SORCS2: variants seen among roughly 807,000 people sequenced by gnomAD.
The protein encoded by SORCS2 is VPS10 domain-containing receptor SorCS2.
Under a neutral mutation model 141.6 loss-of-function variants are expected in SORCS2, and 100 were observed. The observed-to-expected ratio is 0.71, with a 90% CI of 0.60 to 0.83. SORCS2 has a LOEUF of 0.83. Ranked by LOEUF, SORCS2 falls within the 40% of genes least tolerant of loss-of-function variation. SORCS2 has a pLI of 0.00. For missense variants in SORCS2, 1,646 were observed against 1,560.2 expected, an observed-to-expected ratio of 1.05 and a Z score of -0.93; for synonymous variants, 789 against 676.9, an observed-to-expected ratio of 1.17 and a Z score of -2.57.
chr4:7,526,290 G>A (rs942857925), intron 2 of SORCS2, among the ~76,000 whole-genome samples: 1 of 152,256 alleles, frequency 6.6e-6, no homozygotes, highest in Non-Finnish European at 1.5e-5. Flanking sequence ...CTTAGGAATA[G>A]AATCGGAGCC....
At chr4:7,354,531 C>T (rs975692506) in intron 1 of SORCS2, among the ~76,000 whole-genome samples, 3 of 152,226 alleles carry the variant, frequency 2.0e-5, no homozygotes, top group African/African-American at 4.8e-5. Flanking sequence ...GGCTACCGTG[C>T]AGCCCCGGCT....
chr4:7,430,842 A>T (rs1413550639), intron 2 of SORCS2: 1 of 152,252 alleles, frequency 6.6e-6, no homozygotes, highest in South Asian at 2.1e-4. Flanking sequence ...CGCGGCGGCT[A>T]TGGAGTCATT....
In SORCS2 at chr4:7,703,337, A is replaced by G. The variant is rs971379023; in HGVS notation, c.1726A>G (p.Ile576Val). 2 of 1,613,428 alleles carry G rather than the reference A, an allele frequency of 1.2e-6. No individual in the cohort carries two copies. Among genetic ancestry groups the G allele is most frequent in the Non-Finnish European group, 1.7e-6 (2 of 1,179,736 alleles). ...GGACCACGGCGGCGTGATCGTGGCC[A>G]TCAAAGACACCTCCATCCCTTTGAA... ...YLDHGGVIVAIKDTSIPLKIL... is the reference protein window; with the variant it reads ...YLDHGGVIVAVKDTSIPLKIL... The change falls in exon 13 of 27, where the codon ATC (isoleucine) becomes GTC (valine). Residue 576 changes from isoleucine to valine, a missense_variant. Ile to Val is a conservative substitution (Grantham distance 29). Coordinates refer to ENST00000507866, the MANE Select transcript of SORCS2 (RefSeq NM_020777.3).
rs576234633 is a variant in SORCS2, at chr4:7,740,911, G to C, written c.*647G>C. On this transcript the variant is annotated 3_prime_UTR_variant, in exon 27 of 27. Coordinates refer to ENST00000507866, the MANE Select transcript of SORCS2 (RefSeq NM_020777.3). The stretch of plus-strand genomic sequence containing the variant: ...GGTAGCCACCGGGGTGGCTCTGTCA[G>C]AGTTCCGTACTCGGGAGCCCCTTTC... 1.2e-4 allele frequency: 46 copies of C among 398,344 alleles called. No homozygotes were observed. The highest frequency in any genetic ancestry group is 8.8e-4 in the African/African-American group (43 of 48,750). The allele number at this position is 398,344 out of a possible 1,614,324, so 24.7% of individuals were successfully genotyped here. A position where few individuals can be genotyped will look rare whatever the true frequency, so the allele number is the denominator to read the frequency against.
At position 7,733,400 on chromosome 4, in the gene SORCS2, G is replaced by A. The variant is rs776555227; in HGVS notation, c.3187G>A (p.Ala1063Thr). ...GCGAGGCGGAGTCCGGGTCCTGGTG[G>A]CCCTGCGGGACACAGGCACAGGTGA... The part of the protein sequence containing the change: ...LLRGGVRVLV[A>T]LRDTGTGAEQ... Residue 1063 changes from alanine (A) to threonine (T), a missense_variant, in exon 24 of 27, where the codon GCC becomes ACC. Coordinates refer to ENST00000507866, the MANE Select transcript of SORCS2 (RefSeq NM_020777.3). 1 of 1,591,848 alleles carries A rather than the reference G, an allele frequency of 6.3e-7. No homozygotes were observed. Among genetic ancestry groups the A allele is most frequent in the Non-Finnish European group, 8.5e-7 (1 of 1,169,594 alleles).
intron 1 of SORCS2, among the ~76,000 whole-genome samples, chr4:7,387,789 C>G (rs1577483889): frequency 1.2e-5 from 1 of 81,366 alleles, no homozygotes; most frequent in Non-Finnish European, 2.3e-5. Context: ...CACATAGGTA[C>G]ATGCATGCTC....
chr4:7,263,393 G>A (rs1387727957), intron 1 of SORCS2, among the ~76,000 whole-genome samples: 2 of 151,942 alleles, frequency 1.3e-5, no homozygotes, highest in Non-Finnish European at 2.9e-5. Flanking sequence ...CCTTGTCAAA[G>A]AAAGCACCCG....
intron 3 of SORCS2, among the ~76,000 whole-genome samples, chr4:7,538,610 CAT>C (rs1465062979): frequency 7.0e-6 from 1 of 142,752 alleles, no homozygotes; most frequent in Non-Finnish European, 1.6e-5. Flanking sequence ...CACACACACA[CAT>C]TTTCACCAAA....
chr4:7,548,670 G>A (rs1461728427), intron 3 of SORCS2, among the ~76,000 whole-genome samples: 1 of 152,010 alleles, frequency 6.6e-6, no homozygotes, highest in African/African-American at 2.4e-5. Flanking sequence ...GTGGAATGGT[G>A]GGTGTGAGGC....
At chr4:7,381,858 A>T (rs1405749110) in intron 1 of SORCS2, 11 of 972,056 alleles carry the variant, frequency 1.1e-5, no homozygotes, top group African/African-American at 1.8e-5. Flanking sequence ...AGGCTCCAGG[A>T]TGGGCAGTAC....
At chr4:7,442,720 C>A (rs1727755708) in intron 2 of SORCS2, among the ~76,000 whole-genome samples, 2 of 149,574 alleles carry the variant, frequency 1.3e-5, no homozygotes, top group Non-Finnish European at 1.5e-5. Flanking sequence ...AAGCGGAGAG[C>A]AGCACCCCCA....
intron 1 of SORCS2, among the ~76,000 whole-genome samples, chr4:7,271,034 G>T (rs1715089382): frequency 6.6e-6 from 1 of 152,206 alleles, no homozygotes; most frequent in Non-Finnish European, 1.5e-5. Flanking sequence ...AAGGGAAGGG[G>T]ACATTTCCAT....
chr4:7,481,660 T>G (rs897284001), intron 2 of SORCS2, among the ~76,000 whole-genome samples: 2 of 151,950 alleles, frequency 1.3e-5, no homozygotes, highest in Middle Eastern at 3.4e-3. Flanking sequence ...CTCAGGGGCT[T>G]CCCTGGAGCC....
At chr4:7,287,490 C>T (rs538089678) in intron 1 of SORCS2, among the ~76,000 whole-genome samples, 12 of 152,224 alleles carry the variant, frequency 7.9e-5, no homozygotes, top group African/African-American at 1.2e-4. Context: ...GGTGGGGAGA[C>T]GGGAACCTTG....
chr4:7,434,794 C>T (rs1305390149), intron 2 of SORCS2: 1 of 1,610,596 alleles, frequency 6.2e-7, no homozygotes, highest in Non-Finnish European at 8.5e-7. Context: ...CACCGTGGAG[C>T]CCTTTGCACA....
intron 1 of SORCS2, among the ~76,000 whole-genome samples, chr4:7,220,572 A>G (rs1245188957): frequency 6.6e-6 from 1 of 152,222 alleles, no homozygotes; most frequent in Non-Finnish European, 1.5e-5. Context: ...GCATTGGTTT[A>G]GATGGGTGAG....
At chr4:7,327,469 G>A (rs542084629) in intron 1 of SORCS2, among the ~76,000 whole-genome samples, 13 of 152,336 alleles carry the variant, frequency 8.5e-5, no homozygotes, top group African/African-American at 3.1e-4. Context: ...GGTTACATCT[G>A]CAAAGACCCC....
chr4:7,398,545 G>C (rs1201102201), intron 2 of SORCS2, among the ~76,000 whole-genome samples: 1 of 152,198 alleles, frequency 6.6e-6, no homozygotes, highest in Non-Finnish European at 1.5e-5. Flanking sequence ...AATGCTTGCA[G>C]AGACATTAGT....
At chr4:7,735,887 T>C (rs548519358) in intron 25 of SORCS2, among the ~76,000 whole-genome samples, 3 of 152,078 alleles carry the variant, frequency 2.0e-5, no homozygotes, top group Non-Finnish European at 4.4e-5. Flanking sequence ...AGCTAGGAGG[T>C]GGCAGGGGCG....
Sources: gnomAD v4.1 joint callset for allele counts (sites outside exome capture counted in the v4.1 genomes callset) on GRCh38, gnomAD v4.1.1 for gene constraint, MANE v1.5 for transcripts, NCBI Gene and HGNC (gene_info 2026-07-23, HGNC 2026-07-21) for gene names.